SGCZ: variants seen among roughly 807,000 people sequenced by gnomAD.
The protein encoded by SGCZ is zeta-sarcoglycan.
A neutral mutation model predicts 41.3 loss-of-function variants in SGCZ; 40 were observed. That is an observed-to-expected ratio of 0.97 (90% CI 0.75 to 1.26). The LOEUF is 1.26. Among genes scored for constraint, SGCZ ranks in the 50% most tolerant of loss-of-function variants. The pLI, the probability that SGCZ is intolerant of heterozygous loss-of-function variation, is 0.00. For missense variants in SGCZ, 552 were observed against 369.8 expected (o/e 1.49, Z -4.04); for synonymous variants, 206 against 137.5 (o/e 1.50, Z -3.49).
chr8:14,593,527 T>A (rs2117291223), intron 1 of SGCZ, among the ~76,000 whole-genome samples: 1 of 152,300 alleles, frequency 6.6e-6, no homozygotes, highest in Admixed American at 6.5e-5. Flanking sequence ...AAATTTTAAT[T>A]AAAATATTTT....
chr8:15,157,290 T>C (rs368144227), intron 1 of SGCZ, among the ~76,000 whole-genome samples: 1 of 151,958 alleles, frequency 6.6e-6, no homozygotes, highest in Non-Finnish European at 1.5e-5. Context: ...CCCAGCACTT[T>C]GGGAGCCTGA....
intron 1 of SGCZ, among the ~76,000 whole-genome samples, chr8:15,154,666 A>C (rs1259626855): frequency 6.6e-6 from 1 of 152,242 alleles, no homozygotes; most frequent in Non-Finnish European, 1.5e-5. Context: ...AAAGGAAGCA[A>C]CCATCCTTCA....
chr8:14,884,387 T>C (rs1270537156), intron 1 of SGCZ, among the ~76,000 whole-genome samples: 2 of 152,068 alleles, frequency 1.3e-5, no homozygotes, highest in African/African-American at 2.4e-5. Flanking sequence ...AATAATTATT[T>C]ATATATCAGT....
At chr8:14,112,924 GA>G (rs146950563) in intron 5 of SGCZ, among the ~76,000 whole-genome samples, 7 of 151,778 alleles carry the variant, frequency 4.6e-5, no homozygotes, top group Non-Finnish European at 7.4e-5. Context: ...AACAATACTG[GA>G]AAAAAATATT....
intron 1 of SGCZ, among the ~76,000 whole-genome samples, chr8:14,594,006 T>C (rs7815975): frequency 0.53 from 80,008 of 151,198 alleles, 21,661 homozygotes; most frequent in Non-Finnish European, 0.61. Flanking sequence ...GAAACCCTGC[T>C]TCTTCTAAAA....
At chr8:14,660,586 AAAAAGAG>A (rs1807716337) in intron 1 of SGCZ, among the ~76,000 whole-genome samples, 2 of 151,336 alleles carry the variant, frequency 1.3e-5, no homozygotes, top group Non-Finnish European at 2.9e-5. Flanking sequence ...AAAAAAAAAA[AAAAAGAG>A]AGAAAAGAAA....
chr8:14,951,755 T>A (rs2130836864), intron 1 of SGCZ, among the ~76,000 whole-genome samples: 1 of 152,182 alleles, frequency 6.6e-6, no homozygotes, highest in South Asian at 2.1e-4. Context: ...TTAACTTTAA[T>A]GTATCTGTGC....
chr8:14,108,873 T>C (rs1285532514), intron 5 of SGCZ, among the ~76,000 whole-genome samples: 1 of 152,206 alleles, frequency 6.6e-6, no homozygotes, highest in African/African-American at 2.4e-5. Context: ...CAAAAGCTCA[T>C]CTCTGTCCCC....
At chr8:15,135,119 T>C (rs1398398692) in intron 1 of SGCZ, among the ~76,000 whole-genome samples, 1 of 152,196 alleles carries the variant, frequency 6.6e-6, no homozygotes, top group African/African-American at 2.4e-5. Context: ...TATATGCAAC[T>C]TTATTTCTTG....
intron 2 of SGCZ, among the ~76,000 whole-genome samples, chr8:14,495,459 G>T (rs1054602805): frequency 1.3e-5 from 2 of 152,144 alleles, no homozygotes; most frequent in Non-Finnish European, 2.9e-5. Context: ...TTATTTGACA[G>T]TTAAGTATCA....
chr8:14,726,690 A>G (rs1381824695), intron 1 of SGCZ, among the ~76,000 whole-genome samples: 2 of 152,126 alleles, frequency 1.3e-5, no homozygotes, highest in African/African-American at 4.8e-5. Flanking sequence ...ATGTATAAAC[A>G]ACTTGAAAAG....
intron 1 of SGCZ, among the ~76,000 whole-genome samples, chr8:14,568,996 G>A (rs111413603): frequency 0.016 from 2,425 of 152,234 alleles, 63 homozygotes; most frequent in African/African-American, 0.051. Context: ...AATTGGAAAA[G>A]CTGTACCTGT....
intron 3 of SGCZ, among the ~76,000 whole-genome samples, chr8:14,301,618 G>A (rs900337889): frequency 6.6e-6 from 1 of 152,002 alleles, no homozygotes; most frequent in Non-Finnish European, 1.5e-5. Flanking sequence ...TAGAATAACT[G>A]TACTTGCCAT....
intron 3 of SGCZ, among the ~76,000 whole-genome samples, chr8:14,244,800 G>C (rs9325695): frequency 0.67 from 101,250 of 151,904 alleles, 34,113 homozygotes; most frequent in South Asian, 0.78. Flanking sequence ...CCTTGAAGAG[G>C]TCCTTCAAGT....
chr8:14,244,015 C>A (rs1356620418), intron 3 of SGCZ, among the ~76,000 whole-genome samples: 2 of 152,118 alleles, frequency 1.3e-5, no homozygotes, highest in Non-Finnish European at 2.9e-5. Context: ...ACTTTATGTT[C>A]AATAAATGCA....
chr8:14,773,069 C>A (rs1414402197), intron 1 of SGCZ, among the ~76,000 whole-genome samples: 2 of 152,128 alleles, frequency 1.3e-5, no homozygotes, highest in Non-Finnish European at 2.9e-5. Context: ...TCCTATTTCT[C>A]CACATCCTCT....
chr8:14,199,881 C>T (rs1593628), intron 4 of SGCZ, among the ~76,000 whole-genome samples: 98,812 of 152,030 alleles, frequency 0.65, 32,438 homozygotes, highest in East Asian at 0.8. Context: ...ATCTTCTATC[C>T]ATACAATTCT....
chr8:14,827,630 T>C (rs1367385943), intron 1 of SGCZ, among the ~76,000 whole-genome samples: 3 of 152,152 alleles, frequency 2.0e-5, no homozygotes, highest in Admixed American at 6.5e-5. Flanking sequence ...CATGCCACAA[T>C]GATGAAGTTG....
chr8:14,363,382 T>C (rs1803595428), intron 2 of SGCZ, among the ~76,000 whole-genome samples: 1 of 152,170 alleles, frequency 6.6e-6, no homozygotes, highest in African/African-American at 2.4e-5. Context: ...ATCTTTCACA[T>C]TCAGAAACTA....
Sources: allele counts gnomAD v4.1 joint callset (sites outside exome capture counted in the v4.1 genomes callset), GRCh38; gene constraint gnomAD v4.1.1; transcripts MANE v1.5; gene names NCBI Gene and HGNC (gene_info 2026-07-23, HGNC 2026-07-21).